The following TRABD2B variants were observed in gnomAD, a reference collection of about 807,000 sequenced individuals.
The protein encoded by TRABD2B is TraB domain containing 2B.
Under a neutral mutation model 40.1 loss-of-function variants are expected in TRABD2B, and 14 were observed. The observed-to-expected ratio is 0.35, with a 90% CI of 0.23 to 0.55. TRABD2B has a LOEUF of 0.55. TRABD2B is among the 20% of genes least tolerant of loss of function. TRABD2B has a pLI of 0.90. For missense variants in TRABD2B, 541 were observed against 648.6 expected, an observed-to-expected ratio of 0.83 and a Z score of 1.80; for synonymous variants, 263 against 277.0, an observed-to-expected ratio of 0.95 and a Z score of 0.50.
chr1:47,795,112 T>C (rs1271428670), intron 3 of TRABD2B, among the ~76,000 whole-genome samples: 2 of 152,180 alleles, frequency 1.3e-5, no homozygotes, highest in Non-Finnish European at 2.9e-5. Flanking sequence ...TTAGGATAAG[T>C]ATGCACAGCC....
At chr1:47,822,184 C>T (rs1415366975) in intron 2 of TRABD2B, among the ~76,000 whole-genome samples, 1 of 150,412 alleles carries the variant, frequency 6.6e-6, no homozygotes, top group Admixed American at 6.8e-5. Context: ...ACATACACTC[C>T]TCCAGTGGAG....
intron 2 of TRABD2B, among the ~76,000 whole-genome samples, chr1:47,879,710 C>CA (rs1441112816): frequency 2.5e-4 from 38 of 152,168 alleles, no homozygotes; most frequent in Non-Finnish European, 5.9e-5. Flanking sequence ...ACAACTAGAA[C>CA]AAAAAGTTGT....
intron 2 of TRABD2B, among the ~76,000 whole-genome samples, chr1:47,822,706 A>G (rs1645127348): frequency 6.6e-6 from 1 of 152,234 alleles, no homozygotes; most frequent in East Asian, 1.9e-4. Flanking sequence ...CATTTCAGAG[A>G]TGAGGAAACA....
chr1:47,918,519 C>T (rs756582911), intron 2 of TRABD2B, among the ~76,000 whole-genome samples: 11 of 152,154 alleles, frequency 7.2e-5, no homozygotes, highest in Non-Finnish European at 1.3e-4. Flanking sequence ...ATTCCAAACA[C>T]AGTGGCCTTC....
intron 2 of TRABD2B, among the ~76,000 whole-genome samples, chr1:47,844,313 G>T (rs747435277): frequency 5.1e-4 from 77 of 152,334 alleles, no homozygotes; most frequent in Non-Finnish European, 9.8e-4. Flanking sequence ...GTTGGGGAGG[G>T]AGGGTGGCTC....
At chr1:47,992,592 C>A (rs924238014) in intron 2 of TRABD2B, among the ~76,000 whole-genome samples, 2 of 152,230 alleles carry the variant, frequency 1.3e-5, no homozygotes, top group Admixed American at 1.3e-4. Flanking sequence ...AGGCCTCCCA[C>A]AAACCTGCCT....
intron 2 of TRABD2B, among the ~76,000 whole-genome samples, chr1:47,862,786 A>C (rs1379521226): frequency 1.3e-5 from 2 of 151,242 alleles, no homozygotes; most frequent in East Asian, 2.0e-4. Context: ...ACAATATTAA[A>C]GGAGAAGAAC....
chr1:47,836,740 C>G (rs1645323834), intron 2 of TRABD2B, among the ~76,000 whole-genome samples: 1 of 152,136 alleles, frequency 6.6e-6, no homozygotes, highest in African/African-American at 2.4e-5. Flanking sequence ...TGGGCGGAGC[C>G]CTCATGAATG....
intron 2 of TRABD2B, among the ~76,000 whole-genome samples, chr1:47,933,986 A>G (rs1268775003): frequency 1.3e-5 from 2 of 152,224 alleles, no homozygotes; most frequent in African/African-American, 4.8e-5. Context: ...ATAGTCACAG[A>G]TGGCTAAGGG....
intron 2 of TRABD2B, among the ~76,000 whole-genome samples, chr1:47,806,740 A>G (rs1157386563): frequency 2.0e-5 from 3 of 152,202 alleles, no homozygotes; most frequent in African/African-American, 7.2e-5. Flanking sequence ...GAGGGTGGGA[A>G]CAGGTTTATT....
chr1:47,850,796 CT>C (rs772734399), intron 2 of TRABD2B, among the ~76,000 whole-genome samples: 8 of 152,232 alleles, frequency 5.3e-5, no homozygotes, highest in Non-Finnish European at 8.8e-5. Flanking sequence ...GGTCCCCAAC[CT>C]TTTTGGCACC....
chr1:47,857,023 A>G (rs1557617012), intron 2 of TRABD2B, among the ~76,000 whole-genome samples: 2 of 152,246 alleles, frequency 1.3e-5, no homozygotes, highest in Non-Finnish European at 2.9e-5. Flanking sequence ...ATGGTCCAAC[A>G]ACTTGCCAGG....
rs534694695 is a variant in TRABD2B, at chr1:47,954,386, T to C, written c.666+39648A>G. On this transcript the variant is annotated intron_variant, in intron 2 of 6. Transcript: ENST00000606738. ...TATCCATTTGGGAGTCACTACAGTA[T>C]CAAGTACTAGCCAGGGCTGTGGCAC... is the stretch of plus-strand genomic sequence containing the variant. 3.3e-5 allele frequency among the ~76,000 whole-genome samples: 5 copies of C among 152,122 alleles called. No homozygotes were observed. The East Asian group carries it at 9.7e-4, about 29-fold the overall frequency.
intron 2 of TRABD2B, among the ~76,000 whole-genome samples, chr1:47,841,931 C>T (rs1218115599): frequency 6.6e-6 from 1 of 151,972 alleles, no homozygotes; most frequent in East Asian, 1.9e-4. Context: ...GCCACCATGC[C>T]TGGCTAATTT....
intron 2 of TRABD2B, among the ~76,000 whole-genome samples, chr1:47,864,408 G>A (rs927700897): frequency 3.3e-5 from 5 of 151,976 alleles, no homozygotes; most frequent in African/African-American, 7.3e-5. Flanking sequence ...GTTGGGCAGC[G>A]GTTGTATGAG....
At chr1:47,804,574 C>T (rs1473275071) in intron 2 of TRABD2B, among the ~76,000 whole-genome samples, 1 of 152,194 alleles carries the variant, frequency 6.6e-6, no homozygotes, top group East Asian at 1.9e-4. Flanking sequence ...AGAAATGTCT[C>T]CCCAGGACCT....
chr1:47,852,982 C>A (rs1643842229), intron 2 of TRABD2B, among the ~76,000 whole-genome samples: 1 of 151,946 alleles, frequency 6.6e-6, no homozygotes, highest in African/African-American at 2.4e-5. Flanking sequence ...TCCACGGCTC[C>A]CCAAAGGCAG....
chr1:47,852,928 G>A (rs185996452), intron 2 of TRABD2B, among the ~76,000 whole-genome samples: 1 of 152,000 alleles, frequency 6.6e-6, no homozygotes. Context: ...TGAAGGCCCA[G>A]CTGAGTTCTC....
In TRABD2B at chr1:47,996,016, T is replaced by C. The variant is rs1646085712; in HGVS notation, c.102+672A>G. Among the ~76,000 whole-genome samples, 1 of 152,196 alleles carries C rather than the reference T, an allele frequency of 6.6e-6. No individual in the cohort carries two copies. Among genetic ancestry groups the C allele is most frequent in the African/African-American group, 2.4e-5 (1 of 41,442 alleles). ...CTGAAGGAAATAAAGAGGTTCTTTG[T>C]TTTGGAAGGAATATTAGGAGAACCA... On this transcript the variant is annotated intron_variant, in intron 1 of 6. Transcript: ENST00000606738. This position sits in a 1 kb window ranked among gnomAD's most constrained non-coding sequence, Gnocchi z 4.6.
Sources: allele counts gnomAD v4.1 joint callset (sites outside exome capture counted in the v4.1 genomes callset), GRCh38; gene constraint gnomAD v4.1.1; non-coding constraint Gnocchi (gnomAD v3.1); transcripts MANE v1.5; gene names NCBI Gene and HGNC (gene_info 2026-07-23, HGNC 2026-07-21).